GALNT1: variants seen among roughly 807,000 people sequenced by gnomAD.
The protein encoded by GALNT1 is polypeptide N-acetylgalactosaminyltransferase 1.
Under a neutral mutation model 65.7 loss-of-function variants are expected in GALNT1, and 17 were observed. The observed-to-expected ratio is 0.26, with a 90% CI of 0.18 to 0.39. GALNT1 has a LOEUF of 0.39. Among genes scored for constraint, GALNT1 ranks in the 10% least tolerant of loss-of-function variants. The pLI is 1.00. For missense variants in GALNT1, 460 were observed against 672.8 expected (o/e 0.68, Z 3.50); for synonymous variants, 210 against 219.7 (o/e 0.96, Z 0.39).
intron 1 of GALNT1, among the ~76,000 whole-genome samples, chr18:35,612,411 A>C (rs545008858): frequency 6.7e-4 from 102 of 152,348 alleles, no homozygotes; most frequent in African/African-American, 2.4e-3. Flanking sequence ...TAAGTCTGCT[A>C]ATTTAACCAT....
chr18:35,640,356 T>C (rs545476137), intron 1 of GALNT1, among the ~76,000 whole-genome samples: 50 of 145,264 alleles, frequency 3.4e-4, no homozygotes, highest in African/African-American at 1.3e-3. Flanking sequence ...CCATTTCAGG[T>C]AGGAAAAAAT....
At chr18:35,650,563 C>G (rs1194728431) in intron 1 of GALNT1, among the ~76,000 whole-genome samples, 1 of 152,172 alleles carries the variant, frequency 6.6e-6, no homozygotes, top group Admixed American at 6.5e-5. Flanking sequence ...CATCCCTTAT[C>G]TACAACCATA....
chr18:35,701,615 A>T (rs1419477536), intron 9 of GALNT1, among the ~76,000 whole-genome samples: 3 of 152,202 alleles, frequency 2.0e-5, no homozygotes, highest in Non-Finnish European at 4.4e-5. Context: ...TGAGAAAAAA[A>T]CATTTTGAAA....
In GALNT1 at chr18:35,654,755, C is replaced by A; in HGVS notation, c.93C>A (p.Cys31Ter). The A allele has an allele frequency of 6.4e-7, 1 of 1,573,578 alleles. No individual in the cohort carries two copies. Among genetic ancestry groups the A allele is most frequent in the Non-Finnish European group, 8.6e-7 (1 of 1,157,566 alleles). Residue 31 changes from cysteine (C) to a stop codon, truncating the protein, a stop_gained, in exon 2 of 12, where the codon TGC becomes TGA. Coordinates refer to ENST00000269195, the MANE Select transcript of GALNT1 (RefSeq NM_020474.4). LOFTEE classifies it high-confidence loss of function. ...TCCTGCTGCTTTACTTCAGTGAATGCAACAAATGTGATGAAAAAAAGGAGA... is the reference window on the plus strand; with the variant it reads ...TCCTGCTGCTTTACTTCAGTGAATGAAACAAATGTGATGAAAAAAAGGAGA... ...DMFLLLYFSE[C>*]NKCDEKKERG...
chr18:35,670,954 A>C (rs1313623854), intron 3 of GALNT1, among the ~76,000 whole-genome samples: 1 of 152,228 alleles, frequency 6.6e-6, no homozygotes, highest in Non-Finnish European at 1.5e-5. Flanking sequence ...ACCTCACATC[A>C]TACAGAAAAA....
rs150856609 is a variant in GALNT1, at chr18:35,630,012, A to T, written c.-103-24548A>T. Among the ~76,000 whole-genome samples the T allele has an allele frequency of 5.7e-3, 868 of 152,322 alleles. 21 individuals carry two copies. The East Asian group carries it at 0.065, about 11-fold the overall frequency. ...AATTCAACAAGAAGAGCTATCTTAA[A>T]TATATATGCACCCAATACAGGAGCA... On this transcript the variant is annotated intron_variant, in intron 1 of 11. Coordinates refer to ENST00000269195, the MANE Select transcript of GALNT1 (RefSeq NM_020474.4).
At chr18:35,697,308 T>G (rs1307367300) in intron 9 of GALNT1, among the ~76,000 whole-genome samples, 2 of 152,146 alleles carry the variant, frequency 1.3e-5, no homozygotes, top group African/African-American at 4.8e-5. Context: ...GTGTTGTAAA[T>G]AATATTGATA....
upstream of GALNT1, chr18:35,581,425 C>A: frequency 6.8e-6 from 1 of 147,320 alleles, no homozygotes; most frequent in South Asian, 2.0e-4. Context: ...GGAGGGGGCG[C>A]GCATCCGGGT....
chr18:35,690,935 A>AATACT lies in GALNT1; in HGVS notation c.979-74_979-70dup. ...AAACCCCTATTTAATTGAAAAGAAA[A>AATACT]ATACTATGGGAAAACTAAGGTGAAC... On this transcript the variant is annotated intron_variant, in intron 7 of 11. Transcript: ENST00000269195. 4 of 1,332,386 alleles carry AATACT rather than the reference A, an allele frequency of 3.0e-6. No homozygotes were observed. In the East Asian group the frequency reaches 9.6e-5, roughly 32 times the overall value. 82.5% of individuals were successfully genotyped at this position (1,332,386 alleles called of 1,614,324 possible).
chr18:35,582,715 GAGTT>G (rs760481958), intron 1 of GALNT1, among the ~76,000 whole-genome samples: 5 of 152,196 alleles, frequency 3.3e-5, no homozygotes, highest in Non-Finnish European at 7.4e-5. Flanking sequence ...AGAACGCTGA[GAGTT>G]AGGAGGTCTT....
chr18:35,619,645 C>T (rs2046826902), intron 1 of GALNT1, among the ~76,000 whole-genome samples: 1 of 152,200 alleles, frequency 6.6e-6, no homozygotes. Context: ...ATCATACAGT[C>T]TTGTTTGTGA....
At chr18:35,631,019 C>G (rs983665827) in intron 1 of GALNT1, among the ~76,000 whole-genome samples, 19 of 152,110 alleles carry the variant, frequency 1.2e-4, no homozygotes, top group Non-Finnish European at 2.6e-4. Context: ...AGTTGAATCT[C>G]TGAATAGATC....
At chr18:35,639,131 A>T (rs1458320506) in intron 1 of GALNT1, among the ~76,000 whole-genome samples, 2 of 152,226 alleles carry the variant, frequency 1.3e-5, no homozygotes, top group African/African-American at 2.4e-5. Flanking sequence ...TCAATTTCGA[A>T]AAAAGTTCTA....
intron 1 of GALNT1, among the ~76,000 whole-genome samples, chr18:35,607,375 C>T (rs1194550212): frequency 2.6e-5 from 4 of 151,966 alleles, no homozygotes; most frequent in Admixed American, 2.6e-4. Flanking sequence ...CTGCCAGAGC[C>T]ATTGTGTTTC....
intron 9 of GALNT1, among the ~76,000 whole-genome samples, chr18:35,694,467 T>C (rs2048021314): frequency 1.3e-5 from 2 of 152,194 alleles, no homozygotes; most frequent in Non-Finnish European, 2.9e-5. Flanking sequence ...CCCTTGTGCA[T>C]TGTTGGTGTG....
At chr18:35,602,668 G>C (rs1329698557) in intron 1 of GALNT1, among the ~76,000 whole-genome samples, 1 of 151,988 alleles carries the variant, frequency 6.6e-6, no homozygotes, top group East Asian at 1.9e-4. Context: ...TTTAGCAAAT[G>C]TATTTCTCAG....
At chr18:35,641,671 ATGTC>A (rs2047165506) in intron 1 of GALNT1, among the ~76,000 whole-genome samples, 1 of 152,228 alleles carries the variant, frequency 6.6e-6, no homozygotes, top group Non-Finnish European at 1.5e-5. Context: ...AAAAATAAAA[ATGTC>A]TGACAGTAAT....
At position 35,642,457 on chromosome 18, in the gene GALNT1, C is replaced by A. The variant is rs1489238136; in HGVS notation, c.-103-12103C>A. On this transcript the variant is annotated intron_variant, in intron 1 of 11. Transcript: ENST00000269195. ...TTAAATTATCAGGACAAGGAAGGAC[C>A]GTAAGAATAGGGATTGCCTTTGAAG... is the stretch of plus-strand genomic sequence containing the variant. 3.3e-5 allele frequency among the ~76,000 whole-genome samples: 5 copies of A among 152,088 alleles called. No homozygotes were observed. In the South Asian group the frequency reaches 8.3e-4, roughly 25 times the overall value.
At chr18:35,588,453 C>G (rs978767090) in intron 1 of GALNT1, among the ~76,000 whole-genome samples, 3 of 152,154 alleles carry the variant, frequency 2.0e-5, no homozygotes, top group African/African-American at 7.2e-5. Context: ...CACTCAGATT[C>G]CTAAATCTGT....
Sources: gnomAD v4.1 joint callset for allele counts (sites outside exome capture counted in the v4.1 genomes callset) on GRCh38, gnomAD v4.1.1 for gene constraint, MANE v1.5 for transcripts, NCBI Gene and HGNC (gene_info 2026-07-23, HGNC 2026-07-21) for gene names.